Variants in KCND2 observed in about 807,000 individuals in gnomAD.
KCND2 encodes A-type voltage-gated potassium channel KCND2.
In KCND2, 16 loss-of-function variants were observed where a neutral mutation model predicts 54.4. The observed-to-expected ratio is 0.29, with a 90% confidence interval of 0.20 to 0.45. KCND2 has a LOEUF of 0.45. KCND2 is among the 20% of genes least tolerant of loss of function. KCND2 has a pLI of 1.00. For missense variants in KCND2, 486 were observed against 824.2 expected (o/e 0.59, Z 5.02); for synonymous variants, 317 against 310.7 (o/e 1.02, Z -0.21).
At chr7:120,315,848 T>A (rs1223891326) in intron 1 of KCND2, among the ~76,000 whole-genome samples, 1 of 149,530 alleles carries the variant, frequency 6.7e-6, no homozygotes, top group Non-Finnish European at 1.5e-5. Flanking sequence ...CATAGTGAGA[T>A]GGACTAAAAA....
intron 1 of KCND2, among the ~76,000 whole-genome samples, chr7:120,653,881 T>C (rs1791769518): frequency 1.3e-5 from 2 of 152,012 alleles, no homozygotes; most frequent in South Asian, 4.2e-4. Context: ...ATTATGAGAA[T>C]ATGGAAGAGG....
intron 1 of KCND2, among the ~76,000 whole-genome samples, chr7:120,496,244 G>A (rs1802845325): frequency 6.6e-6 from 1 of 151,884 alleles, no homozygotes; most frequent in Admixed American, 6.6e-5. Flanking sequence ...CTAAGCCTCA[G>A]GCTTACTAGG....
At chr7:120,654,656 C>A (rs768465396) in intron 1 of KCND2, among the ~76,000 whole-genome samples, 1 of 152,062 alleles carries the variant, frequency 6.6e-6, no homozygotes, top group Non-Finnish European at 1.5e-5. Context: ...CAAATAATTA[C>A]AATGGAGCAA....
At chr7:120,413,687 A>G (rs1801483188) in intron 1 of KCND2, among the ~76,000 whole-genome samples, 1 of 152,104 alleles carries the variant, frequency 6.6e-6, no homozygotes, top group Admixed American at 6.6e-5. Context: ...CAGTTTATAA[A>G]AAAACACCAA....
In KCND2 at chr7:120,577,226, A is replaced by G. The variant is rs554194500; in HGVS notation, c.1116-155677A>G. On this transcript the variant is annotated intron_variant, in intron 1 of 5. Coordinates refer to ENST00000331113, the MANE Select transcript of KCND2 (RefSeq NM_012281.3). Reference sequence around the variant, plus strand: ...GAAAAAGCTAAATGAAAAATCTGAGAAGAAAGAAAAAATAATAATATTACT... The same window carrying G: ...GAAAAAGCTAAATGAAAAATCTGAGGAGAAAGAAAAAATAATAATATTACT... Among the ~76,000 whole-genome samples the G allele has an allele frequency of 1.3e-3, 192 of 152,310 alleles. 1 individual carries two copies. Among genetic ancestry groups the G allele is most frequent in the South Asian group, 0.012 (57 of 4,828 alleles).
At chr7:120,345,468 T>C (rs1350998405) in intron 1 of KCND2, among the ~76,000 whole-genome samples, 1 of 152,220 alleles carries the variant, frequency 6.6e-6, no homozygotes, top group Non-Finnish European at 1.5e-5. Flanking sequence ...ATGTTCACAT[T>C]GATGTGCAAC....
At chr7:120,702,790 G>C (rs1356953128) in intron 1 of KCND2, among the ~76,000 whole-genome samples, 2 of 152,134 alleles carry the variant, frequency 1.3e-5, no homozygotes, top group Non-Finnish European at 2.9e-5. Context: ...GAAAGGTGGA[G>C]GGTGGGAGGA....
At chr7:120,695,251 A>G (rs1416493272) in intron 1 of KCND2, among the ~76,000 whole-genome samples, 1 of 151,168 alleles carries the variant, frequency 6.6e-6, no homozygotes, top group Non-Finnish European at 1.5e-5. Context: ...TGATATTTCA[A>G]TGGCTTGTTT....
chr7:120,479,796 C>CAAA (rs771337674), intron 1 of KCND2, among the ~76,000 whole-genome samples: 16 of 75,540 alleles, frequency 2.1e-4, no homozygotes, highest in South Asian at 9.4e-4. Flanking sequence ...TACACACACA[C>CAAA]AAAAAAAAAA....
intron 1 of KCND2, among the ~76,000 whole-genome samples, chr7:120,510,774 T>G (rs936195798): frequency 6.6e-6 from 1 of 151,944 alleles, no homozygotes; most frequent in Admixed American, 6.6e-5. Flanking sequence ...GAATTTAGCC[T>G]TCCTAATCAG....
intron 1 of KCND2, among the ~76,000 whole-genome samples, chr7:120,540,194 C>G (rs1791962856): frequency 6.6e-6 from 1 of 152,038 alleles, no homozygotes; most frequent in Non-Finnish European, 1.5e-5. Context: ...AATGAAATAG[C>G]TAGAGGATCA....
At chr7:120,700,956 A>G (rs1792393327) in intron 1 of KCND2, among the ~76,000 whole-genome samples, 3 of 152,116 alleles carry the variant, frequency 2.0e-5, no homozygotes, top group African/African-American at 7.2e-5. Flanking sequence ...ACTCCATAAA[A>G]TCTTCAGGGC....
chr7:120,657,377 A>G (rs879843107), intron 1 of KCND2, among the ~76,000 whole-genome samples: 4 of 152,180 alleles, frequency 2.6e-5, no homozygotes, highest in Non-Finnish European at 4.4e-5. Context: ...ATAGATATAT[A>G]TCAGATTTTA....
chr7:120,677,423 T>C (rs770472452), intron 1 of KCND2, among the ~76,000 whole-genome samples: 22 of 151,912 alleles, frequency 1.4e-4, no homozygotes, highest in Non-Finnish European at 3.1e-4. Flanking sequence ...GTCCCAAAGG[T>C]TCCATATCCA....
chr7:120,579,763 A>T (rs1365065211), intron 1 of KCND2, among the ~76,000 whole-genome samples: 2 of 152,072 alleles, frequency 1.3e-5, no homozygotes, highest in Non-Finnish European at 2.9e-5. Flanking sequence ...ATCAAGATCC[A>T]TTTTTTAAAA....
chr7:120,463,688 C>G (rs1166849794), intron 1 of KCND2, among the ~76,000 whole-genome samples: 1 of 152,074 alleles, frequency 6.6e-6, no homozygotes, highest in Non-Finnish European at 1.5e-5. Flanking sequence ...AAGGAGGCAT[C>G]TTTGATCGCC....
At chr7:120,328,508 A>G (rs1375240199) in intron 1 of KCND2, among the ~76,000 whole-genome samples, 2 of 152,166 alleles carry the variant, frequency 1.3e-5, no homozygotes, top group African/African-American at 4.8e-5. Context: ...TCTCTTTCCC[A>G]TGTAAGCATG....
At chr7:120,309,566 C>CAT (rs1002592580) in intron 1 of KCND2, among the ~76,000 whole-genome samples, 2 of 148,794 alleles carry the variant, frequency 1.3e-5, no homozygotes, top group African/African-American at 2.4e-5. Flanking sequence ...CACACACACA[C>CAT]ATATATATAA....
At chr7:120,728,439 G>A (rs1792763930) in intron 1 of KCND2, among the ~76,000 whole-genome samples, 3 of 151,862 alleles carry the variant, frequency 2.0e-5, no homozygotes, top group South Asian at 4.2e-4. Context: ...CTGCAGGCAT[G>A]TGCCACCACA....
Sources: allele counts gnomAD v4.1 joint callset (sites outside exome capture counted in the v4.1 genomes callset), GRCh38; gene constraint gnomAD v4.1.1; transcripts MANE v1.5; gene names NCBI Gene and HGNC (gene_info 2026-07-23, HGNC 2026-07-21).